AKAP7: variants seen among roughly 807,000 people sequenced by gnomAD.
AKAP7 encodes the protein A-kinase anchoring protein 7, also known as A kinase (PRKA) anchor protein 7.
A neutral mutation model predicts 39.5 loss-of-function variants in AKAP7; 39 were observed. The observed-to-expected ratio is 0.99, with a 90% CI of 0.76 to 1.29. AKAP7 has a LOEUF of 1.29. AKAP7 is among the 50% of genes most tolerant of loss of function. The pLI is 0.00. For synonymous variants in AKAP7, 140 were observed against 139.1 expected, an observed-to-expected ratio of 1.01 and a Z score of -0.05; for missense variants, 414 against 407.7, an observed-to-expected ratio of 1.02 and a Z score of -0.13.
intron 5 of AKAP7, among the ~76,000 whole-genome samples, chr6:131,187,104 C>T (rs1274880630): frequency 6.6e-6 from 1 of 152,058 alleles, no homozygotes. Flanking sequence ...ATTCAGAGAT[C>T]CTTGAGGTTC....
chr6:131,152,055 A>G (rs1801964150), intron 2 of AKAP7, among the ~76,000 whole-genome samples: 1 of 152,090 alleles, frequency 6.6e-6, no homozygotes, highest in African/African-American at 2.4e-5. Context: ...TTAAAAAAAC[A>G]AATACACGAA....
chr6:131,209,004 A>G (rs1808393489), intron 6 of AKAP7, among the ~76,000 whole-genome samples: 1 of 152,194 alleles, frequency 6.6e-6, no homozygotes, highest in South Asian at 2.1e-4. Context: ...TGCTTCCAGG[A>G]AGGTACACCA....
intron 7 of AKAP7, among the ~76,000 whole-genome samples, chr6:131,265,152 T>C (rs1162101208): frequency 1.3e-5 from 2 of 152,216 alleles, no homozygotes; most frequent in Non-Finnish European, 1.5e-5. Context: ...TTCTTTTTTT[T>C]GAGACAGAGT....
chr6:131,194,891 C>A (rs1488012191), intron 5 of AKAP7, among the ~76,000 whole-genome samples: 4 of 151,972 alleles, frequency 2.6e-5, no homozygotes, highest in Admixed American at 2.0e-4. Flanking sequence ...CATGGGATTT[C>A]TTTTTTCTAT....
chr6:131,136,903 T>C, intron 1 of AKAP7: 3 of 980,268 alleles, frequency 3.1e-6, no homozygotes, highest in Non-Finnish European at 3.6e-6. Context: ...CCCTTAGCCC[T>C]TTCCAGTTGT....
chr6:131,130,715 T>C (rs1053627337), upstream of AKAP7, among the ~76,000 whole-genome samples: 7 of 152,256 alleles, frequency 4.6e-5, no homozygotes, highest in East Asian at 1.4e-3. Flanking sequence ...GGAGTCAAGA[T>C]TGGACAAATG....
chr6:131,152,786 C>T (rs563613836), intron 2 of AKAP7, among the ~76,000 whole-genome samples: 5 of 141,612 alleles, frequency 3.5e-5, no homozygotes, highest in African/African-American at 1.3e-4. Context: ...GAGATTGCAC[C>T]ACTGCACTGC....
intron 7 of AKAP7, among the ~76,000 whole-genome samples, chr6:131,224,561 T>A (rs1316533126): frequency 6.6e-6 from 1 of 152,092 alleles, no homozygotes; most frequent in Non-Finnish European, 1.5e-5. Context: ...AATTTAGCCC[T>A]CATTAGATTT....
chr6:131,211,493 C>T (rs895227580), intron 6 of AKAP7, among the ~76,000 whole-genome samples: 6 of 151,836 alleles, frequency 4.0e-5, no homozygotes, highest in Admixed American at 1.3e-4. Flanking sequence ...CAGATGGGCG[C>T]GGTGGCTCAC....
At chr6:131,132,097 G>A (rs934939769), upstream of AKAP7, among the ~76,000 whole-genome samples, 1 of 152,050 alleles carries the variant, frequency 6.6e-6, no homozygotes, top group Non-Finnish European at 1.5e-5. Flanking sequence ...CGGATCATGA[G>A]GTCAGGAGAT....
chr6:131,188,973 G>T (rs955724995), intron 5 of AKAP7, among the ~76,000 whole-genome samples: 1 of 152,068 alleles, frequency 6.6e-6, no homozygotes, highest in African/African-American at 2.4e-5. Flanking sequence ...AAAATGAATT[G>T]AATACATTTA....
intron 1 of AKAP7, among the ~76,000 whole-genome samples, chr6:131,144,344 A>G (rs1481103950): frequency 6.6e-6 from 1 of 152,226 alleles, no homozygotes; most frequent in Non-Finnish European, 1.5e-5. Flanking sequence ...CCATATTCTT[A>G]ATGGACTATG....
chr6:131,160,500 T>C (rs2128238034), intron 3 of AKAP7, among the ~76,000 whole-genome samples: 1 of 152,294 alleles, frequency 6.6e-6, no homozygotes, highest in East Asian at 1.9e-4. Context: ...CACCTCAGCC[T>C]CCAAAAATAT....
Position 131,282,064 on chromosome 6 carries a change from C to G in AKAP7, c.*338C>G, listed in dbSNP as rs1815243965. The G allele has an allele frequency of 8.8e-7, 1 of 1,135,468 alleles. No homozygotes were observed. The highest frequency in any genetic ancestry group is 1.1e-6 in the Non-Finnish European group (1 of 927,944). 70.3% of individuals were successfully genotyped at this position (1,135,468 alleles called of 1,614,324 possible). A position where few individuals can be genotyped will look rare whatever the true frequency, so the allele number is the denominator to read the frequency against. ...AGGCCTTGCCATCAATGGAATACTG[C>G]CATTTATATTGCTTAGCAGGGCATT... On this transcript the variant is annotated 3_prime_UTR_variant, in exon 8 of 8. Coordinates refer to ENST00000431975, the MANE Select transcript of AKAP7 (RefSeq NM_016377.4).
At chr6:131,148,470 T>C (rs1012987773) in intron 2 of AKAP7, among the ~76,000 whole-genome samples, 46 of 81,980 alleles carry the variant, frequency 5.6e-4, no homozygotes, top group Non-Finnish European at 9.8e-4. Context: ...TGGATAAAAA[T>C]TCCCCCCCCC....
chr6:131,242,882 AT>A (rs1255306874), intron 7 of AKAP7, among the ~76,000 whole-genome samples: 1 of 152,212 alleles, frequency 6.6e-6, no homozygotes. Flanking sequence ...TAATCTGTTA[AT>A]GCTCTAGACC....
At chr6:131,250,130 T>C in intron 7 of AKAP7, 4 of 976,158 alleles carry the variant, frequency 4.1e-6, no homozygotes, top group Non-Finnish European at 3.7e-6. Context: ...GAAAATATGG[T>C]TTTTTTGGGG....
intron 5 of AKAP7, among the ~76,000 whole-genome samples, chr6:131,179,892 TA>T (rs1804974013): frequency 6.7e-6 from 1 of 149,270 alleles, no homozygotes; most frequent in South Asian, 2.1e-4. Context: ...AATAAATAAA[TA>T]AATAATAAAT....
At chr6:131,236,579 G>A (rs1047896752) in intron 7 of AKAP7, among the ~76,000 whole-genome samples, 10 of 151,936 alleles carry the variant, frequency 6.6e-5, no homozygotes, top group East Asian at 1.9e-4. Context: ...CTTTTATTTC[G>A]TTGAGCAGTA....
Sources: gnomAD v4.1 joint callset for allele counts (sites outside exome capture counted in the v4.1 genomes callset) on GRCh38, gnomAD v4.1.1 for gene constraint, MANE v1.5 for transcripts, NCBI Gene and HGNC (gene_info 2026-07-23, HGNC 2026-07-21) for gene names.